CBLN2: variants seen among roughly 807,000 people sequenced by gnomAD.
CBLN2 encodes the protein cerebellin-2.
CBLN2 carries 7 observed loss-of-function variants against 15.0 expected under a neutral mutation model. The ratio of observed to expected loss-of-function variants is 0.47; its 90% CI spans 0.27 to 0.88. The LOEUF (loss-of-function observed/expected upper bound fraction) is 0.88, where lower values mean the gene tolerates loss of function less well. Among genes scored for constraint, CBLN2 ranks in the 40% least tolerant of loss-of-function variants. The probability of loss-of-function intolerance (pLI) is 0.14; values close to 1 mark genes in which losing one functional copy is unlikely to be tolerated. For synonymous variants in CBLN2, 149 were observed against 135.2 expected, an observed-to-expected ratio of 1.10 and a Z score of -0.71; for missense variants, 242 against 304.5, an observed-to-expected ratio of 0.79 and a Z score of 1.53.
chr18:72,602,411 A>T (rs2069554945), intron 1 of CBLN2, among the ~76,000 whole-genome samples: 1 of 152,026 alleles, frequency 6.6e-6, no homozygotes, highest in African/African-American at 2.4e-5. Flanking sequence ...CTTTGTTTCA[A>T]CAGTTTCTCT....
intron 1 of CBLN2, among the ~76,000 whole-genome samples, chr18:72,585,469 AACCCAG>A (rs1243408083): frequency 3.3e-5 from 5 of 152,124 alleles, no homozygotes; most frequent in Non-Finnish European, 5.9e-5. Context: ...GGGTAGAGGA[AACCCAG>A]AGTGGGTAGC....
At chr18:72,552,233 A>C (rs988808790) in intron 1 of CBLN2, among the ~76,000 whole-genome samples, 1 of 151,536 alleles carries the variant, frequency 6.6e-6, no homozygotes, top group Non-Finnish European at 1.5e-5. Flanking sequence ...ACAGGCATGC[A>C]CCACCAAGCC....
intron 1 of CBLN2, among the ~76,000 whole-genome samples, chr18:72,616,936 T>C (rs2069666554): frequency 6.6e-6 from 1 of 152,174 alleles, no homozygotes; most frequent in South Asian, 2.1e-4. Flanking sequence ...TCCTAAATGG[T>C]ATTGTCGAAT....
At chr18:72,575,329 T>G (rs569248197) in intron 1 of CBLN2, among the ~76,000 whole-genome samples, 1 of 152,092 alleles carries the variant, frequency 6.6e-6, no homozygotes, top group East Asian at 1.9e-4. Flanking sequence ...GGATAGGGTG[T>G]TGGAAGGATC....
At position 72,537,639 on chromosome 18, in the gene CBLN2, C is replaced by G. The variant is rs1161499522; in HGVS notation, c.*537G>C. ...GTTCCCAATGTCCCCATCCCCCTCC[C>G]AAGTCCTCCCAGCCACATGGTGGGG... On this transcript the variant is annotated 3_prime_UTR_variant, in exon 5 of 5. Transcript: ENST00000269503. The G allele has an allele frequency of 2.6e-5, 4 of 153,898 alleles. No homozygotes were observed. The highest frequency in any genetic ancestry group is 4.3e-5 in the Non-Finnish European group (3 of 69,000). 9.5% of individuals were successfully genotyped at this position (153,898 alleles called of 1,614,324 possible).
At position 72,615,309 on chromosome 18, in the gene CBLN2, C is replaced by G. The variant is rs1322165983; in HGVS notation, c.15+23016G>C. ...TTTTTTTTTGAGACAGAGTTTTGCTCTTTGTTGCCCAGGCTGGAGTGCAAT... is the reference window on the plus strand; with the variant it reads ...TTTTTTTTTGAGACAGAGTTTTGCTGTTTGTTGCCCAGGCTGGAGTGCAAT... On this transcript the variant is annotated intron_variant, in intron 1 of 2. Coordinates refer to the CBLN2 transcript ENST00000581073. 8.1e-5 allele frequency among the ~76,000 whole-genome samples: 11 copies of G among 135,754 alleles called. No individual in the cohort carries two copies. In the East Asian group the frequency reaches 2.4e-3, roughly 29 times the overall value. The allele number at this position is 135,754 out of a possible 152,430, so 89.1% of individuals were successfully genotyped here.
intron 1 of CBLN2, among the ~76,000 whole-genome samples, chr18:72,609,377 G>A (rs1218523576): frequency 6.6e-6 from 1 of 152,048 alleles, no homozygotes; most frequent in Admixed American, 6.6e-5. Context: ...CTTAAAAGAA[G>A]AGGGCATTAG....
chr18:72,628,371 T>C (rs2144975861), intron 1 of CBLN2, among the ~76,000 whole-genome samples: 1 of 152,278 alleles, frequency 6.6e-6, no homozygotes, highest in Middle Eastern at 3.4e-3. Flanking sequence ...TTGGGATCCA[T>C]ATGTGTGGGA....
At chr18:72,577,133 T>G (rs561428632) in intron 1 of CBLN2, among the ~76,000 whole-genome samples, 2 of 149,978 alleles carry the variant, frequency 1.3e-5, no homozygotes, top group Admixed American at 1.3e-4. Context: ...CATAGAAATG[T>G]TTGCAATATA....
intron 1 of CBLN2, chr18:72,618,810 A>G: frequency 1.3e-6 from 1 of 741,020 alleles, no homozygotes; most frequent in East Asian, 2.7e-5. Flanking sequence ...AAGCCCTGTC[A>G]AAGCAAGAGA....
intron 3 of CBLN2, 33 bp downstream of exon 3, chr18:72,541,771 G>A (rs1237297172): frequency 2.0e-6 from 3 of 1,498,070 alleles, no homozygotes; most frequent in Non-Finnish European, 2.7e-6. Flanking sequence ...CTCTCCCCGG[G>A]CTGGGGGCGG....
At chr18:72,562,664 G>A (rs2069269331) in intron 1 of CBLN2, among the ~76,000 whole-genome samples, 1 of 152,156 alleles carries the variant, frequency 6.6e-6, no homozygotes. Context: ...AATGCTGAAT[G>A]CATATTTAGA....
intron 1 of CBLN2, among the ~76,000 whole-genome samples, chr18:72,569,888 C>A (rs371348555): frequency 6.6e-6 from 1 of 152,072 alleles, no homozygotes; most frequent in Admixed American, 6.6e-5. Context: ...GAACAAACAC[C>A]CAAAATATAT....
At chr18:72,596,744 C>G (rs547294761) in intron 1 of CBLN2, among the ~76,000 whole-genome samples, 1 of 152,166 alleles carries the variant, frequency 6.6e-6, no homozygotes, top group Non-Finnish European at 1.5e-5. Context: ...TCATGACACT[C>G]TCTCCTGGCC....
intron 1 of CBLN2, among the ~76,000 whole-genome samples, chr18:72,621,723 A>T (rs2069701898): frequency 6.6e-6 from 1 of 152,212 alleles, no homozygotes; most frequent in Admixed American, 6.5e-5. Flanking sequence ...ACTACAGCTC[A>T]GAATTTTCCA....
intron 1 of CBLN2, among the ~76,000 whole-genome samples, chr18:72,625,698 C>CTATATA (rs1169851043): frequency 2.8e-3 from 129 of 46,576 alleles, no homozygotes; most frequent in African/African-American, 7.6e-3. Flanking sequence ...TATAGTATTA[C>CTATATA]TATATATATA....
At chr18:72,589,678 T>C (rs1056296531) in intron 1 of CBLN2, among the ~76,000 whole-genome samples, 1 of 152,216 alleles carries the variant, frequency 6.6e-6, no homozygotes, top group Non-Finnish European at 1.5e-5. Context: ...AGTTGACACA[T>C]GAATTTTGTA....
At chr18:72,541,780 G>A (rs762563190) in intron 3 of CBLN2, 24 bp downstream of exon 3, 13 of 1,506,124 alleles carry the variant, frequency 8.6e-6, no homozygotes, top group African/African-American at 2.8e-5. Context: ...GGCTGGGGGC[G>A]GGGTGGGCAG....
chr18:72,615,975 C>T (rs1465977935), intron 1 of CBLN2, among the ~76,000 whole-genome samples: 2 of 152,152 alleles, frequency 1.3e-5, no homozygotes, highest in Non-Finnish European at 2.9e-5. Flanking sequence ...ATTCTAAGGA[C>T]TCCTGTCGAC....
Sources: gnomAD v4.1 joint callset for allele counts (sites outside exome capture counted in the v4.1 genomes callset) on GRCh38, gnomAD v4.1.1 for gene constraint, MANE v1.5 for transcripts, NCBI Gene and HGNC (gene_info 2026-07-23, HGNC 2026-07-21) for gene names.